The following TTN variants were observed in gnomAD, a reference collection of about 807,000 sequenced individuals.
The protein encoded by TTN is connectin.
In TTN, 1,525 loss-of-function variants were observed where a neutral mutation model predicts 3,223.0. The observed-to-expected ratio is 0.47, with a 90% CI of 0.45 to 0.49. TTN has a LOEUF of 0.49. Among genes scored for constraint, TTN ranks in the 20% least tolerant of loss-of-function variants. The pLI is 0.00. For missense variants in TTN, 40,786 were observed against 43,424.0 expected (o/e 0.94, Z 5.40); for synonymous variants, 14,094 against 15,161.0 (o/e 0.93, Z 5.17).
At position 178,579,827 on chromosome 2, in the gene TTN, T is replaced by G. The variant is rs1023600080; in HGVS notation, c.67370A>C (p.Asp22457Ala). ...CTTAGATACAGACCTCACTTTCAGG[T>G]CCACAACTGGTCCAGGAGTTTCTAA... ...KASQTPGPVV[D>A]LKVRSVSKSS... Residue 22457 changes from aspartate to alanine, a missense_variant, in exon 319 of 363, where the codon GAC becomes GCC. Physicochemically the swap from Asp to Ala is moderately radical, Grantham distance 126. Coordinates refer to ENST00000589042, the MANE Select transcript of TTN (RefSeq NM_001267550.2). 7.4e-6 allele frequency: 12 copies of G among 1,613,106 alleles called. No homozygotes were observed. Among genetic ancestry groups the G allele is most frequent in the Non-Finnish European group, 1.0e-5 (12 of 1,179,492 alleles).
chr2:178,794,227 C>T (rs966903276), intron 8 of TTN, among the ~76,000 whole-genome samples, 172 bp downstream of exon 8: 46 of 152,116 alleles, frequency 3.0e-4, no homozygotes, highest in Admixed American at 1.3e-3. Flanking sequence ...CCTTTGACAT[C>T]TCCGACCACC....
At position 178,738,142 on chromosome 2, in the gene TTN, T is replaced by C; in HGVS notation, c.14311A>G (p.Thr4771Ala). 1 of 1,613,850 alleles carries C rather than the reference T, an allele frequency of 6.2e-7. No individual in the cohort carries two copies. Among genetic ancestry groups the C allele is most frequent in the Non-Finnish European group, 8.5e-7 (1 of 1,179,782 alleles). The change falls in exon 49 of 363, where the codon ACA (threonine) becomes GCA (alanine). Residue 4771 changes from threonine (T) to alanine (A), a missense_variant. Transcript: ENST00000589042. Reference protein sequence around the residue: ...RTQVVDCGEYTCKASNEYGSV... With the variant: ...RTQVVDCGEYACKASNEYGSV... ...CCATACTCATTGGAAGCTTTGCATGTATACTCGCCGCAGTCAACCACCTGG... is the reference window on the plus strand; with the variant it reads ...CCATACTCATTGGAAGCTTTGCATGCATACTCGCCGCAGTCAACCACCTGG...
chr2:178,569,525 C>T lies in TTN; in HGVS notation c.76607G>A (p.Gly25536Asp), dbSNP rs1021201663. 1 of 1,612,518 alleles carries T rather than the reference C, an allele frequency of 6.2e-7. No individual in the cohort carries two copies. Among genetic ancestry groups the T allele is most frequent in the Non-Finnish European group, 8.5e-7 (1 of 1,179,268 alleles). Residue 25536 changes from glycine to aspartate, a missense_variant, in exon 326 of 363, where the codon GGT (glycine) becomes GAT (aspartate). Gly to Asp is a moderately conservative substitution (Grantham distance 94). Coordinates refer to ENST00000589042, the MANE Select transcript of TTN (RefSeq NM_001267550.2). ...CCATTTAACTTCTGGTGTAGGACGA[C>T]CTTTTATAGGAACAAATAACCTTAA... The part of the protein sequence containing the change: ...GSLRLFVPIK[G>D]RPTPEVKWGK...
intron 127 of TTN, among the ~76,000 whole-genome samples, chr2:178,686,173 T>G (rs1272134323): frequency 7.9e-6 from 1 of 126,720 alleles, no homozygotes; most frequent in African/African-American, 3.2e-5. Flanking sequence ...CAGGCTGGAG[T>G]GCAGTGGCGG....
chr2:178,694,144 T>C (rs768929867), intron 117 of TTN, 136 bp from the exon 118 acceptor site: 14 of 629,258 alleles, frequency 2.2e-5, no homozygotes, highest in African/African-American at 3.7e-5. Context: ...AAATTCAGTA[T>C]TGACAAGAAA....
chr2:178,629,916 C>T (rs1026758648), intron 239 of TTN, among the ~76,000 whole-genome samples: 3 of 152,070 alleles, frequency 2.0e-5, no homozygotes, highest in African/African-American at 4.8e-5. Flanking sequence ...TCTAGTTGCA[C>T]AGCCACTTGA....
intron 80 of TTN, 57 bp downstream of exon 80, chr2:178,720,328 T>G: frequency 6.3e-7 from 1 of 1,591,248 alleles, no homozygotes; most frequent in Non-Finnish European, 8.6e-7. Flanking sequence ...AAGTTATTAG[T>G]TAGGCAAGAA....
intron 69 of TTN, 141 bp from the exon 70 acceptor site, chr2:178,726,187 A>G: frequency 2.0e-6 from 2 of 997,916 alleles, no homozygotes; most frequent in Non-Finnish European, 2.7e-6. Flanking sequence ...CTCATGGGAT[A>G]ACAGCCTCAG....
Position 178,535,509 on chromosome 2 carries a change from T to C in TTN, c.101106A>G (p.Ser33702=). The C allele has an allele frequency of 6.2e-7, 1 of 1,613,900 alleles. No homozygotes were observed. Among genetic ancestry groups the C allele is most frequent in the Non-Finnish European group, 8.5e-7 (1 of 1,179,820 alleles). ...TCCATGTTAAGTTGACAGAATCTCG[T>C]GAGACATCACTAACTTTGACTCCTC... ...PPRGVKVSDV[S]RDSVNLTWTE... The change falls in exon 358 of 363, where the codon TCA becomes TCG. Residue 33702 remains serine (S), a synonymous_variant. Transcript: ENST00000589042.
Position 178,537,555 on chromosome 2 carries a change from C to T in TTN, c.99652G>A (p.Val33218Ile), listed in dbSNP as rs1692185299. The T allele has an allele frequency of 2.4e-5, 39 of 1,613,716 alleles. No homozygotes were observed. The highest frequency in any genetic ancestry group is 3.1e-5 in the Non-Finnish European group (37 of 1,179,778). The change falls in exon 355 of 363, where the codon GTT becomes ATT. Residue 33218 changes from valine to isoleucine, a missense_variant. Val to Ile is a conservative substitution (Grantham distance 29). Transcript: ENST00000589042. ...GAVGSTLRLH[V>I]MYIGRPVPAM... is the part of the protein sequence containing the mutation. ...GGTACTGGACGACCAATGTACATAA[C>T]ATGAAGCCGAAGTGTGGAACCCACA...
At position 178,555,430 on chromosome 2, in the gene TTN, T is replaced by C. The variant is rs185771093; in HGVS notation, c.88307-278A>G. 8 of 365,422 alleles carry C rather than the reference T, an allele frequency of 2.2e-5. No homozygotes were observed. The East Asian group carries it at 4.1e-4, about 19-fold the overall frequency. The allele number at this position is 365,422 out of a possible 1,614,324, so 22.6% of individuals were successfully genotyped here. A position where few individuals can be genotyped will look rare whatever the true frequency, so the allele number is the denominator to read the frequency against. On this transcript the variant is annotated intron_variant, in intron 330 of 362. Transcript: ENST00000589042. Reference sequence around the variant, plus strand: ...TTTATTCCAGTGAAGAAATGGGATATGGTAGTGAGAACATCATGGAAGAAG... The same window carrying C: ...TTTATTCCAGTGAAGAAATGGGATACGGTAGTGAGAACATCATGGAAGAAG...
chr2:178,806,311 T>C (rs1020314307), intron 1 of TTN, among the ~76,000 whole-genome samples: 1 of 152,210 alleles, frequency 6.6e-6, no homozygotes, highest in Non-Finnish European at 1.5e-5. Flanking sequence ...GCTGTCCTCT[T>C]AGACATAGAA....
chr2:178,627,410 G>A (rs1320007072), intron 240 of TTN, among the ~76,000 whole-genome samples: 1 of 151,910 alleles, frequency 6.6e-6, no homozygotes, highest in African/African-American at 2.4e-5. Context: ...GAGCAAGTTT[G>A]TTCTGACAGA....
intron 16 of TTN, 76 bp from the exon 17 acceptor site, chr2:178,783,861 A>G (rs2092974586): frequency 9.7e-7 from 1 of 1,030,784 alleles, no homozygotes; most frequent in Non-Finnish European, 1.3e-6. Context: ...CTCATGCAAC[A>G]TTATATAATT....
Position 178,776,163 on chromosome 2 carries a change from C to T in TTN, c.5701G>A (p.Asp1901Asn). The part of the protein sequence containing the change: ...YDGIHYLDIV[D>N]CKSYDTGEVK... ...TCACCTGTGTCATATGATTTGCAGT[C>T]CACGATGTCCAGGTAATGGATACCA... Residue 1901 changes from aspartate to asparagine, a missense_variant, in exon 28 of 363, where the codon GAC becomes AAC. Transcript: ENST00000589042. 1 of 1,614,120 alleles carries T rather than the reference C, an allele frequency of 6.2e-7. No homozygotes were observed. The highest frequency in any genetic ancestry group is 8.5e-7 in the Non-Finnish European group (1 of 1,179,996).
rs1462254442 is a variant in TTN, at chr2:178,530,981, C to T, written c.105634G>A (p.Ala35212Thr). The change falls in exon 358 of 363, where the codon GCA (alanine) becomes ACA (threonine). Residue 35212 changes from alanine to threonine, a missense_variant. Physicochemically the swap from Ala to Thr is moderately conservative, Grantham distance 58. Transcript: ENST00000589042. ...VVENSEGKQE[A>T]EFTLTIQKAR... ...TTTTGAATAGTCAGAGTGAACTCTG[C>T]TTCTTGTTTCCCTTCACTGTTTTCT... 5.6e-6 allele frequency: 9 copies of T among 1,613,826 alleles called. No homozygotes were observed. The highest frequency in any genetic ancestry group is 7.6e-6 in the Non-Finnish European group (9 of 1,179,884).
At chr2:178,751,158 T>C (rs2085377514) in intron 47 of TTN, 1 of 1,612,556 alleles carries the variant, frequency 6.2e-7, no homozygotes, top group Non-Finnish European at 8.5e-7. Context: ...CTGATTTTCA[T>C]GTCCTCTCTA....
chr2:178,563,545 G>A lies in TTN; in HGVS notation c.82587C>T (p.Leu27529=), dbSNP rs761584941. 9.9e-6 allele frequency: 16 copies of A among 1,613,656 alleles called. No individual in the cohort carries two copies. The highest frequency in any genetic ancestry group is 1.2e-5 in the Non-Finnish European group (14 of 1,179,760). Residue 27529 remains leucine (L), a synonymous_variant, in exon 326 of 363, where the codon CTC becomes CTT. Coordinates refer to ENST00000589042, the MANE Select transcript of TTN (RefSeq NM_001267550.2). This position sits in a 1 kb window ranked among gnomAD's most constrained non-coding sequence, Gnocchi z 4.5. ...GGCCTTCGGTAAGACCAGTTACCCT[G>A]AGCCGCAGATCCGTTAATGTTTTCT... ...CNKKTLTDLR[L]RVTGLTEGHS...
chr2:178,797,879 T>G (rs1215360616), intron 6 of TTN, among the ~76,000 whole-genome samples: 1 of 152,176 alleles, frequency 6.6e-6, no homozygotes, highest in African/African-American at 2.4e-5. Flanking sequence ...CTTCTCTTTT[T>G]TTTTCATTTT....
Sources: allele counts gnomAD v4.1 joint callset (sites outside exome capture counted in the v4.1 genomes callset), GRCh38; gene constraint gnomAD v4.1.1; non-coding constraint Gnocchi (gnomAD v3.1); transcripts MANE v1.5; gene names NCBI Gene and HGNC (gene_info 2026-07-23, HGNC 2026-07-21).